COL11A1: variants seen among roughly 807,000 people sequenced by gnomAD.
COL11A1 encodes collagen type XI alpha 1 chain, also known as collagen alpha-1(XI) chain.
A neutral mutation model predicts 265.2 loss-of-function variants in COL11A1; 74 were observed. That is an observed-to-expected ratio of 0.28 (90% CI 0.23 to 0.34). The LOEUF is 0.34. Among genes scored for constraint, COL11A1 ranks in the 10% least tolerant of loss-of-function variants. The probability of loss-of-function intolerance (pLI) is 1.00; values close to 1 mark genes in which losing one functional copy is unlikely to be tolerated. For missense variants in COL11A1, 2,165 were observed against 2,263.6 expected (o/e 0.96, Z 0.88); for synonymous variants, 816 against 727.6 (o/e 1.12, Z -1.96).
intron 46 of COL11A1, among the ~76,000 whole-genome samples, chr1:102,928,249 T>G (rs1311821715): frequency 2.2e-5 from 3 of 137,866 alleles, no homozygotes; most frequent in East Asian, 2.5e-4. Context: ...ATCCCTCCCC[T>G]CTCCCCCCAC....
intron 30 of COL11A1, among the ~76,000 whole-genome samples, 187 bp from the exon 31 acceptor site, chr1:102,984,378 T>C (rs1663336625): frequency 6.6e-6 from 1 of 152,096 alleles, no homozygotes; most frequent in Non-Finnish European, 1.5e-5. Context: ...GCTTTGAACA[T>C]ATTTCTAATG....
At chr1:102,907,058 TAA>T (rs1654065835) in intron 54 of COL11A1, among the ~76,000 whole-genome samples, 1 of 152,156 alleles carries the variant, frequency 6.6e-6, no homozygotes, top group Non-Finnish European at 1.5e-5. Context: ...TGCCATATTT[TAA>T]AAGAGAAAAC....
intron 13 of COL11A1, 46 bp from the exon 14 acceptor site, chr1:103,012,515 G>A (rs1205114028): frequency 2.1e-6 from 3 of 1,420,052 alleles, no homozygotes; most frequent in Non-Finnish European, 3.0e-6. Context: ...TCCTGGAAGA[G>A]CACATTAAAG....
At chr1:102,980,179 T>C (rs923709092) in intron 31 of COL11A1, among the ~76,000 whole-genome samples, 1 of 152,090 alleles carries the variant, frequency 6.6e-6, no homozygotes, top group Non-Finnish European at 1.5e-5. Context: ...TACAGGTAAT[T>C]TGAAATTTGT....
chr1:102,940,571 GT>G, intron 42 of COL11A1, 137 bp from the exon 43 acceptor site: 1 of 664,790 alleles, frequency 1.5e-6, no homozygotes, highest in Non-Finnish European at 2.6e-6. Flanking sequence ...AATGATACAT[GT>G]TCCCTACCTT....
chr1:102,978,301 T>C (rs1662699141), intron 35 of COL11A1, among the ~76,000 whole-genome samples: 1 of 152,182 alleles, frequency 6.6e-6, no homozygotes, highest in South Asian at 2.1e-4. Flanking sequence ...TGATTCTGGC[T>C]TAATGGCTAC....
intron 5 of COL11A1, 54 bp from the exon 6 acceptor site, chr1:103,026,386 T>C (rs1342735871): frequency 9.0e-7 from 1 of 1,117,280 alleles, no homozygotes; most frequent in South Asian, 1.2e-5. Context: ...AAAATACTAT[T>C]CACAAAGTGA....
chr1:103,000,989 G>A, intron 24 of COL11A1: 1 of 390,804 alleles, frequency 2.6e-6, no homozygotes, highest in Non-Finnish European at 4.5e-6. Context: ...AAAGAAGTCA[G>A]ACATAAAGGT....
intron 44 of COL11A1, among the ~76,000 whole-genome samples, chr1:102,937,765 C>T (rs559247186): frequency 5.9e-5 from 9 of 152,312 alleles, no homozygotes; most frequent in African/African-American, 1.4e-4. Flanking sequence ...CTTCTTTGTA[C>T]AACCTGCTGA....
At chr1:102,968,724 A>T (rs921052741) in intron 37 of COL11A1, among the ~76,000 whole-genome samples, 3 of 152,168 alleles carry the variant, frequency 2.0e-5, no homozygotes, top group African/African-American at 4.8e-5. Flanking sequence ...CGGGAATATA[A>T]TTTTTTCAGA....
chr1:103,054,918 A>C (rs1183537384), intron 4 of COL11A1, among the ~76,000 whole-genome samples: 1 of 152,178 alleles, frequency 6.6e-6, no homozygotes, highest in African/African-American at 2.4e-5. Context: ...AATTAAAAAG[A>C]AAAAAAGCAA....
chr1:103,018,755 T>A (rs1666763378), intron 10 of COL11A1, 63 bp downstream of exon 10: 2 of 1,234,560 alleles, frequency 1.6e-6, no homozygotes, highest in Non-Finnish European at 2.3e-6. Flanking sequence ...ATTCAGTAAT[T>A]AATAGAAATC....
At chr1:103,019,429 A>T (rs1362286185) in intron 9 of COL11A1, among the ~76,000 whole-genome samples, 1 of 152,148 alleles carries the variant, frequency 6.6e-6, no homozygotes, top group Non-Finnish European at 1.5e-5. Context: ...GGACTGCTGA[A>T]AAGCTATAAT....
intron 57 of COL11A1, among the ~76,000 whole-genome samples, chr1:102,892,022 G>A (rs1016848786): frequency 4.6e-5 from 7 of 152,106 alleles, no homozygotes; most frequent in African/African-American, 1.7e-4. Flanking sequence ...AGATGCTGTT[G>A]GAAGTGAAAC....
intron 15 of COL11A1, among the ~76,000 whole-genome samples, chr1:103,007,866 CAAAAA>C (rs34520764): frequency 1.0e-5 from 1 of 97,120 alleles, no homozygotes; most frequent in Non-Finnish European, 1.9e-5. Context: ...GACTCTGTCT[CAAAAA>C]AAAAAAAAAA....
Position 102,879,895 on chromosome 1 carries a change from C to T in COL11A1, c.5062G>A (p.Gly1688Arg), listed in dbSNP as rs769774427. 1.9e-6 allele frequency: 3 copies of T among 1,612,678 alleles called. No individual in the cohort carries two copies. In the South Asian group the frequency reaches 3.3e-5, roughly 18 times the overall value. ...GKLLSYLDVEGNSINMVQMTF... is the reference protein window; with the variant it reads ...GKLLSYLDVERNSINMVQMTF... ...ATTTGCACCATATTGATGGAATTTC[C>T]TTCAACATCTAAGTATGAAAGCTAG... The change falls in exon 66 of 67, where the codon GGA becomes AGA. Residue 1688 changes from glycine (G) to arginine (R), a missense_variant. Transcript: ENST00000370096.
At position 102,905,057 on chromosome 1, in the gene COL11A1, G is replaced by C. The variant is rs531698154; in HGVS notation, c.4087-6063C>G. Among the ~76,000 whole-genome samples, 14 of 151,920 alleles carry C rather than the reference G, an allele frequency of 9.2e-5. No homozygotes were observed. The South Asian group carries it at 2.9e-3, about 32-fold the overall frequency. The stretch of plus-strand genomic sequence containing the variant: ...ACTATGCAGCCATAAAAAATGATGA[G>C]TTCATGTCCTTTGTAGGGACATGGA... On this transcript the variant is annotated intron_variant, in intron 54 of 66. Transcript: ENST00000370096.
chr1:102,951,650 G>A (rs1659890499), intron 41 of COL11A1, among the ~76,000 whole-genome samples: 1 of 152,124 alleles, frequency 6.6e-6, no homozygotes, highest in African/African-American at 2.4e-5. Flanking sequence ...TGAGGCAGGA[G>A]AATAGCGTGA....
At chr1:103,045,179 C>G (rs1669146393) in intron 4 of COL11A1, among the ~76,000 whole-genome samples, 1 of 152,114 alleles carries the variant, frequency 6.6e-6, no homozygotes, top group Non-Finnish European at 1.5e-5. Context: ...TAAACTCTAA[C>G]AGGAGAGGCA....
Sources: allele counts gnomAD v4.1 joint callset (sites outside exome capture counted in the v4.1 genomes callset), GRCh38; gene constraint gnomAD v4.1.1; transcripts MANE v1.5; gene names NCBI Gene and HGNC (gene_info 2026-07-23, HGNC 2026-07-21).